CNTN3: variants seen among roughly 807,000 people sequenced by gnomAD.
CNTN3 encodes the protein contactin 3.
CNTN3 carries 60 observed loss-of-function variants against 119.1 expected under a neutral mutation model. That is an observed-to-expected ratio of 0.50 (90% CI 0.41 to 0.62). CNTN3 has a LOEUF of 0.62. Among genes scored for constraint, CNTN3 ranks in the 20% least tolerant of loss-of-function variants. The pLI is 0.00. For missense variants in CNTN3, 1,101 were observed against 1,242.4 expected (o/e 0.89, Z 1.71); for synonymous variants, 450 against 438.7 (o/e 1.03, Z -0.32).
chr3:74,365,533 C>G (rs527419264), intron 9 of CNTN3, 33 bp downstream of exon 9: 1 of 1,612,618 alleles, frequency 6.2e-7, no homozygotes, highest in East Asian at 2.2e-5. Context: ...TTTACCAGGC[C>G]TCTAAACCCA....
At chr3:74,483,940 G>A (rs1702806780) in intron 4 of CNTN3, among the ~76,000 whole-genome samples, 1 of 152,088 alleles carries the variant, frequency 6.6e-6, no homozygotes. Context: ...TGTCATACAT[G>A]TCGTATTCTT....
chr3:74,412,406 C>T (rs753747431), intron 5 of CNTN3, among the ~76,000 whole-genome samples: 1 of 152,154 alleles, frequency 6.6e-6, no homozygotes, highest in African/African-American at 2.4e-5. Context: ...GACTGAGATG[C>T]TACTTTCAGA....
chr3:74,497,329 G>A (rs1028664180), intron 3 of CNTN3, among the ~76,000 whole-genome samples: 4 of 151,586 alleles, frequency 2.6e-5, no homozygotes, highest in African/African-American at 7.3e-5. Flanking sequence ...TTAAAAGGTA[G>A]GAAAAAAATA....
At chr3:74,550,226 A>C (rs538501222) in intron 1 of CNTN3, among the ~76,000 whole-genome samples, 24 of 152,324 alleles carry the variant, frequency 1.6e-4, no homozygotes, top group African/African-American at 5.8e-4. Flanking sequence ...GGAAATTTTC[A>C]CCATGAGCAG....
chr3:74,590,026 T>A (rs1704672915), intron 1 of CNTN3, among the ~76,000 whole-genome samples: 1 of 150,756 alleles, frequency 6.6e-6, no homozygotes, highest in Admixed American at 6.6e-5. Context: ...AGTTAATGGG[T>A]GCAGCTCACC....
chr3:74,551,296 G>A (rs1703986297), intron 1 of CNTN3, among the ~76,000 whole-genome samples: 1 of 152,156 alleles, frequency 6.6e-6, no homozygotes, highest in Admixed American at 6.5e-5. Flanking sequence ...TGATAAAGAG[G>A]TATAGGGTCA....
At chr3:74,328,535 T>C (rs1703183778) in intron 13 of CNTN3, among the ~76,000 whole-genome samples, 1 of 152,192 alleles carries the variant, frequency 6.6e-6, no homozygotes, top group Non-Finnish European at 1.5e-5. Context: ...ACATGTTGCT[T>C]GTTTTGACTT....
At chr3:74,280,239 C>A (rs957045639) in intron 20 of CNTN3, among the ~76,000 whole-genome samples, 1 of 152,162 alleles carries the variant, frequency 6.6e-6, no homozygotes, top group Non-Finnish European at 1.5e-5. Flanking sequence ...CTGATTTTGG[C>A]TCCACTTACA....
intron 3 of CNTN3, among the ~76,000 whole-genome samples, chr3:74,487,340 G>A (rs146731805): frequency 3.1e-4 from 47 of 152,104 alleles, no homozygotes; most frequent in African/African-American, 1.1e-3. Context: ...ACATATCACA[G>A]TACTTCACCT....
At chr3:74,512,908 C>T (rs541566948) in intron 2 of CNTN3, among the ~76,000 whole-genome samples, 1 of 29,602 alleles carries the variant, frequency 3.4e-5, no homozygotes, top group African/African-American at 6.9e-5. Context: ...GCTTAAATAT[C>T]GCTTGCAAGT....
chr3:74,427,399 T>C (rs1246940465), intron 4 of CNTN3, among the ~76,000 whole-genome samples: 1 of 152,136 alleles, frequency 6.6e-6, no homozygotes, highest in Non-Finnish European at 1.5e-5. Flanking sequence ...TGGAGCAACA[T>C]AGATGCATAA....
chr3:74,281,108 T>C (rs931065173), intron 20 of CNTN3, among the ~76,000 whole-genome samples: 2 of 152,102 alleles, frequency 1.3e-5, no homozygotes, highest in African/African-American at 4.8e-5. Context: ...GAGTGGATTG[T>C]ATAAGGCCTC....
chr3:74,400,814 C>T (rs1344270037), intron 5 of CNTN3, among the ~76,000 whole-genome samples: 1 of 152,068 alleles, frequency 6.6e-6, no homozygotes, highest in African/African-American at 2.4e-5. Context: ...AACATTTCAA[C>T]TCTTGGGAAA....
intron 20 of CNTN3, among the ~76,000 whole-genome samples, chr3:74,271,518 A>G (rs1330931062): frequency 7.9e-5 from 12 of 152,202 alleles, no homozygotes; most frequent in Non-Finnish European, 1.8e-4. Context: ...GTGATGTCTC[A>G]TAGTGGTAAC....
At chr3:74,316,790 T>G (rs1559542700) in intron 13 of CNTN3, among the ~76,000 whole-genome samples, 1 of 151,860 alleles carries the variant, frequency 6.6e-6, no homozygotes, top group Non-Finnish European at 1.5e-5. Flanking sequence ...TAGCTGGCCG[T>G]GGTGGCGGGT....
chr3:74,380,038 A>G (rs914314734), intron 5 of CNTN3, among the ~76,000 whole-genome samples: 8 of 151,752 alleles, frequency 5.3e-5, no homozygotes, highest in Admixed American at 2.0e-4. Context: ...TTTCTGGTAC[A>G]GTGATGAGAC....
chr3:74,366,780 G>GTATACATATATA (rs1553650593), intron 8 of CNTN3, among the ~76,000 whole-genome samples: 2 of 63,714 alleles, frequency 3.1e-5, no homozygotes, highest in Admixed American at 3.8e-4. Context: ...GTGTGTGTGT[G>GTATACATATATA]TATATATATA....
At chr3:74,581,174 G>A (rs912851841) in intron 1 of CNTN3, among the ~76,000 whole-genome samples, 7 of 151,780 alleles carry the variant, frequency 4.6e-5, no homozygotes, top group Non-Finnish European at 8.8e-5. Flanking sequence ...GCATTCAGAT[G>A]GAAAAGAAAT....
chr3:74,528,272 C>T (rs1703647571), intron 1 of CNTN3, among the ~76,000 whole-genome samples: 1 of 151,696 alleles, frequency 6.6e-6, no homozygotes, highest in Non-Finnish European at 1.5e-5. Flanking sequence ...CATTCCTTGC[C>T]ACCATATATT....
Sources: allele counts gnomAD v4.1 joint callset (sites outside exome capture counted in the v4.1 genomes callset), GRCh38; gene constraint gnomAD v4.1.1; transcripts MANE v1.5; gene names NCBI Gene and HGNC (gene_info 2026-07-23, HGNC 2026-07-21).